Variants in POLD2 observed in about 807,000 individuals in gnomAD.
POLD2 encodes the protein DNA polymerase delta 2, accessory subunit.
A neutral mutation model predicts 48.8 loss-of-function variants in POLD2; 31 were observed. That is an observed-to-expected ratio of 0.64 (90% CI 0.48 to 0.86). POLD2 has a LOEUF of 0.86. POLD2 is among the 40% of genes least tolerant of loss of function. The pLI, the probability that POLD2 is intolerant of heterozygous loss-of-function variation, is 0.00. For missense variants in POLD2, 455 were observed against 610.1 expected (o/e 0.75, Z 2.68); for synonymous variants, 233 against 256.3 (o/e 0.91, Z 0.87).
At position 44,114,899 on chromosome 7, in the gene POLD2, A is replaced by T; in HGVS notation, c.1296T>A (p.Ser432Arg). The T allele has an allele frequency of 1.9e-6, 3 of 1,613,728 alleles. No homozygotes were observed. Among genetic ancestry groups the T allele is most frequent in the Non-Finnish European group, 2.5e-6 (3 of 1,179,754 alleles). Residue 432 changes from serine (S) to arginine (R), a missense_variant, in exon 11 of 11, where the codon AGT becomes AGA. Physicochemically the swap from Ser to Arg is moderately radical, Grantham distance 110. Around this residue, in one of 3 missense-constraint regions of POLD2, gnomAD observed 98 missense variants for 138.6 expected, o/e 0.71. Transcript: ENST00000610533. ...TVLLVTVPDF[S>R]ATQTACLVNL... ...TCACAAGGCAGGCGGTCTGCGTGGC[A>T]CTGAAGTCAGGGACAGTCACCAACA... is the stretch of plus-strand genomic sequence containing the variant.
In POLD2 at chr7:44,116,182, G is replaced by A. The variant is rs755406145; in HGVS notation, c.952C>T (p.Leu318=). 1.9e-6 allele frequency: 3 copies of A among 1,613,922 alleles called. No homozygotes were observed. The highest frequency in any genetic ancestry group is 1.7e-5 in the Admixed American group (1 of 60,024). The change falls in exon 8 of 11, where the codon CTG becomes TTG. Residue 318 remains leucine, a synonymous_variant. Transcript: ENST00000610533. The surrounding 1 kb of genome is among the most constrained non-coding windows in gnomAD (Gnocchi z 6.1). ...QQPLHPCMFP[L]ATAYSTLQLV... ...TGGAGCGTGGAGTAGGCAGTGGCCA[G>A]CGGGAACATGCAGGGGTGGAGGGGC...
intron 1 of POLD2, 192 bp downstream of exon 1, chr7:44,123,319 C>T: frequency 7.3e-7 from 1 of 1,365,606 alleles, no homozygotes; most frequent in Non-Finnish European, 9.4e-7. Context: ...GCGGCAGCAG[C>T]CAGGCCGCGC....
rs769929454 is a variant in POLD2, at chr7:44,117,928, A to G, written c.342+15T>C. ...GGTCTGCCTGGCGGCCCCACTGTGT[A>G]GCACCCTGCCTCACCTCCTCGCTGA... On this transcript the variant is annotated intron_variant, in intron 3 of 10. Transcript: ENST00000610533. 6.2e-7 allele frequency: 1 copy of G among 1,613,244 alleles called. No homozygotes were observed. Among genetic ancestry groups the G allele is most frequent in the South Asian group, 1.1e-5 (1 of 91,020 alleles).
intron 1 of POLD2, 188 bp downstream of exon 1, chr7:44,123,323 G>C: frequency 7.3e-7 from 1 of 1,365,906 alleles, no homozygotes; most frequent in Middle Eastern, 2.7e-4. Context: ...CAGCAGCCAG[G>C]CCGCGCTACT....
rs1386317987 is a variant in POLD2 at position 44,121,930 on chromosome 7, C to T, written c.124G>A (p.Gly42Arg). 1.5e-5 allele frequency: 24 copies of T among 1,613,808 alleles called. No individual in the cohort carries two copies. Among genetic ancestry groups the T allele is most frequent in the Non-Finnish European group, 2.0e-5 (24 of 1,180,052 alleles). Residue 42 changes from glycine to arginine, a missense_variant, in exon 2 of 11, where the codon GGA becomes AGA. By Grantham distance (125) the Gly-to-Arg change is moderately radical (BLOSUM62 -2). Around this residue, in one of 3 missense-constraint regions of POLD2, gnomAD observed 349 missense variants for 437.4 expected, o/e 0.80. Coordinates refer to ENST00000610533, the MANE Select transcript of POLD2 (RefSeq NM_006230.4). This position sits in a 1 kb window ranked among gnomAD's most constrained non-coding sequence, Gnocchi z 4.5. Reference sequence around the variant, plus strand: ...TACTGCCGGCTAAAGCTGCGCTCTCCTAGCCGGAAGGGTTGTGAGGAGTTG... The same window carrying T: ...TACTGCCGGCTAAAGCTGCGCTCTCTTAGCCGGAAGGGTTGTGAGGAGTTG... The part of the protein sequence containing the change: ...YTNSSQPFRL[G>R]ERSFSRQYAH...
At chr7:44,117,110 A>T (rs1343077982) in intron 5 of POLD2, 23 bp downstream of exon 5, 1 of 1,611,590 alleles carries the variant, frequency 6.2e-7, no homozygotes, top group African/African-American at 1.3e-5. Flanking sequence ...AGCTGGTTCC[A>T]GCTCCCGAGA....
At chr7:44,123,780 G>T, upstream of POLD2, 3 of 1,187,744 alleles carry the variant, frequency 2.5e-6, no homozygotes, top group Middle Eastern at 3.0e-4. Context: ...GTTGGCGGCC[G>T]CGCGTGCAGG....
chr7:44,121,874 T>C lies in POLD2; in HGVS notation c.180A>G (p.Gln60=), dbSNP rs777110524. The part of the protein sequence containing the change: ...YAHIYATRLI[Q]MRPFLENRAQ... ...CCCGGTTCTCCAGGAAGGGTCTCAT[T>C]TGGATGAGGCGGGTGGCATAAATGT... is the stretch of plus-strand genomic sequence containing the variant. Residue 60 remains glutamine, a synonymous_variant, in exon 2 of 11, where the codon CAA becomes CAG. Transcript: ENST00000610533. The surrounding 1 kb of genome is among the most constrained non-coding windows in gnomAD (Gnocchi z 4.5). The C allele has an allele frequency of 3.1e-6, 5 of 1,613,424 alleles. No homozygotes were observed. The South Asian group carries it at 4.4e-5, about 14-fold the overall frequency.
chr7:44,123,762 G>T, upstream of POLD2: 1 of 1,299,978 alleles, frequency 7.7e-7, no homozygotes, highest in Non-Finnish European at 9.9e-7. Flanking sequence ...CGGCGCCGCG[G>T]GTCTTTGGTT....
intron 1 of POLD2, 118 bp downstream of exon 1, chr7:44,123,393 G>A: frequency 7.0e-7 from 1 of 1,430,672 alleles, no homozygotes; most frequent in Admixed American, 2.7e-5. Flanking sequence ...CCCCGGCTCG[G>A]ATCCACGCGG....
At chr7:44,115,190 A>G (rs2096236577) in intron 10 of POLD2, 105 bp downstream of exon 10, 3 of 866,890 alleles carry the variant, frequency 3.5e-6, no homozygotes, top group African/African-American at 1.7e-5. Flanking sequence ...CCATCCCACA[A>G]GGGCCAGGGG....
chr7:44,122,285 G>A, intron 1 of POLD2, 176 bp from the exon 2 acceptor site: 1 of 1,405,034 alleles, frequency 7.1e-7, no homozygotes, highest in South Asian at 1.6e-5. Context: ...GTCTCACCCT[G>A]TAGCGGTCAT....
intron 2 of POLD2, among the ~76,000 whole-genome samples, chr7:44,120,455 GC>G (rs2096246773): frequency 6.6e-6 from 1 of 152,210 alleles, no homozygotes; most frequent in Admixed American, 6.5e-5. Flanking sequence ...GCAGGAGGGA[GC>G]CCCTGATTAT....
rs764256270 is a variant in POLD2 at position 44,117,657 on chromosome 7, T to G, written c.428A>C (p.Lys143Thr). ...TGACACGTCAATGGTGCCTTTTAGT[T>G]TGATACGCTGCAGTTCATCTTCCAA... is the stretch of plus-strand genomic sequence containing the variant. ...LVLEDELQRI[K>T]LKGTIDVSKL... The change falls in exon 4 of 11, where the codon AAA (lysine) becomes ACA (threonine). Residue 143 changes from lysine (K) to threonine (T), a missense_variant. Lys to Thr is a moderately conservative substitution (Grantham distance 78). Around this residue, in one of 3 missense-constraint regions of POLD2, gnomAD observed 349 missense variants for 437.4 expected, o/e 0.80. Transcript: ENST00000610533. 6.2e-7 allele frequency: 1 copy of G among 1,609,708 alleles called. No homozygotes were observed. The highest frequency in any genetic ancestry group is 1.1e-5 in the South Asian group (1 of 89,980).
In POLD2 at chr7:44,123,503, C is replaced by T. The variant is rs1322538878; in HGVS notation, c.-57+8G>A. 10 of 1,489,388 alleles carry T rather than the reference C, an allele frequency of 6.7e-6. No homozygotes were observed. The highest frequency in any genetic ancestry group is 8.9e-6 in the Non-Finnish European group (10 of 1,127,462). 92.3% of individuals were successfully genotyped at this position (1,489,388 alleles called of 1,614,324 possible). ...CCAGCTGACCCCGTTTCCCTGGACC[C>T]CACTCACCGCGCGGCGCGCCGCATC... On this transcript the variant is annotated splice_region_variant and intron_variant, in intron 1 of 10. Coordinates refer to ENST00000610533, the MANE Select transcript of POLD2 (RefSeq NM_006230.4).
Position 44,114,741 on chromosome 7 carries a change from A to G in POLD2, c.*44T>C. On this transcript the variant is annotated 3_prime_UTR_variant, in exon 11 of 11. Transcript: ENST00000610533. Reference sequence around the variant, plus strand: ...ACAATGCCGACACTGCAGGGAATGAACAGCCTCCATCTGGGCCTCTCTGGT... The same window carrying G: ...ACAATGCCGACACTGCAGGGAATGAGCAGCCTCCATCTGGGCCTCTCTGGT... 1 of 1,563,716 alleles carries G rather than the reference A, an allele frequency of 6.4e-7. No individual in the cohort carries two copies.
At chr7:44,120,639 T>C (rs1165917716) in intron 2 of POLD2, among the ~76,000 whole-genome samples, 2 of 152,178 alleles carry the variant, frequency 1.3e-5, no homozygotes, top group African/African-American at 2.4e-5. Context: ...ATTTCCCCCA[T>C]GCTGTTCTTG....
chr7:44,120,876 T>C (rs2096247285), intron 2 of POLD2, among the ~76,000 whole-genome samples: 1 of 152,184 alleles, frequency 6.6e-6, no homozygotes, highest in Non-Finnish European at 1.5e-5. Context: ...TTTATAGCAA[T>C]GTGAAAATGG....
chr7:44,123,898 C>T (rs1442431671), upstream of POLD2, among the ~76,000 whole-genome samples: 1 of 152,252 alleles, frequency 6.6e-6, no homozygotes, highest in African/African-American at 2.4e-5. Context: ...TCCCAGTGGT[C>T]GGCCGCCAGC....
Sources: gnomAD v4.1 joint callset for allele counts (sites outside exome capture counted in the v4.1 genomes callset) on GRCh38, gnomAD v4.1.1 for gene constraint, gnomAD v4.1.1 regional missense constraint, Gnocchi (gnomAD v3.1) non-coding constraint, MANE v1.5 for transcripts, NCBI Gene and HGNC (gene_info 2026-07-23, HGNC 2026-07-21) for gene names.